HIVEP1: variants seen among roughly 807,000 people sequenced by gnomAD.
The protein encoded by HIVEP1 is HIVEP zinc finger 1.
HIVEP1 carries 36 observed loss-of-function variants against 180.0 expected under a neutral mutation model. The ratio of observed to expected loss-of-function variants is 0.20; its 90% CI spans 0.15 to 0.26. The LOEUF (loss-of-function observed/expected upper bound fraction) is 0.26, where lower values mean the gene tolerates loss of function less well. HIVEP1 is among the 10% of genes least tolerant of loss of function. HIVEP1 has a pLI of 1.00. For synonymous variants in HIVEP1, 1,239 were observed against 1,239.0 expected, an observed-to-expected ratio of 1.00 and a Z score of 0.00; for missense variants, 3,143 against 3,268.7, an observed-to-expected ratio of 0.96 and a Z score of 0.94.
At chr6:12,070,826 C>T (rs1771921137) in intron 2 of HIVEP1, among the ~76,000 whole-genome samples, 1 of 152,196 alleles carries the variant, frequency 6.6e-6, no homozygotes. Flanking sequence ...ATTTCCCATC[C>T]ATCTGATCAG....
chr6:12,180,674 C>T, the HIVEP1 span, among the ~76,000 whole-genome samples: 1 of 152,160 alleles, frequency 6.6e-6, no homozygotes, highest in African/African-American at 2.4e-5. Flanking sequence ...ATTGTAAGAG[C>T]ATTAGGCCAC....
Position 12,121,641 on chromosome 6 carries a change from T to A in HIVEP1, c.1846T>A (p.Leu616Met). 1 of 1,613,934 alleles carries A rather than the reference T, an allele frequency of 6.2e-7. No individual in the cohort carries two copies. Among genetic ancestry groups the A allele is most frequent in the South Asian group, 1.1e-5 (1 of 91,066 alleles). The change falls in exon 4 of 9, where the codon TTG becomes ATG. Residue 616 changes from leucine (L) to methionine (M), a missense_variant. Coordinates refer to ENST00000379388, the MANE Select transcript of HIVEP1 (RefSeq NM_002114.4). The surrounding 1 kb of genome is among the most constrained non-coding windows in gnomAD (Gnocchi z 5.3). ...ANMSQGGVSRLETNENSHQKG... is the reference protein window; with the variant it reads ...ANMSQGGVSRMETNENSHQKG... Reference sequence around the variant, plus strand: ...CATGTCCCAGGGTGGAGTCTCCAGGTTGGAGACTAATGAGAATTCCCACCA... The same window carrying A: ...CATGTCCCAGGGTGGAGTCTCCAGGATGGAGACTAATGAGAATTCCCACCA...
rs781135112 is a variant in HIVEP1 at position 12,125,427 on chromosome 6, T to C, written c.5632T>C (p.Ser1878Pro). ...TLTVRSSPAP[S>P]ENTHISPLKC... is the part of the protein sequence containing the mutation. Reference sequence around the variant, plus strand: ...TACAGTTCGAAGTTCACCTGCTCCTTCAGAAAATACTCATATTTCTCCTTT... The same window carrying C: ...TACAGTTCGAAGTTCACCTGCTCCTCCAGAAAATACTCATATTTCTCCTTT... The change falls in exon 4 of 9, where the codon TCA (serine) becomes CCA (proline). Residue 1878 changes from serine (S) to proline (P), a missense_variant. By Grantham distance (74) the Ser-to-Pro change is moderately conservative. Transcript: ENST00000379388. 1.2e-6 allele frequency: 2 copies of C among 1,614,048 alleles called. No homozygotes were observed. The highest frequency in any genetic ancestry group is 2.7e-5 in the African/African-American group (2 of 74,938).
downstream of HIVEP1, among the ~76,000 whole-genome samples, chr6:12,168,166 T>A (rs1254347513): frequency 1.5e-4 from 14 of 95,230 alleles, 3 homozygotes; most frequent in Non-Finnish European, 2.2e-4. Flanking sequence ...GATATACGTG[T>A]ATATCTATAT....
At chr6:12,184,022 T>TAGATAGACAGAC in the HIVEP1 span, among the ~76,000 whole-genome samples, 939 of 101,804 alleles carry the variant, frequency 9.2e-3, 4 homozygotes, top group Middle Eastern at 0.014. Context: ...GATAGATAGA[T>TAGATAGACAGAC]AGACAGACAG....
upstream of HIVEP1, chr6:12,012,127 GC>G (rs1767369864): frequency 7.1e-6 from 1 of 141,038 alleles, no homozygotes; most frequent in African/African-American, 2.6e-5. Context: ...CCGCCGCGGC[GC>G]GCGCCCCCCA....
At chr6:12,051,001 C>CATATATATATATATATATATAT (rs1161977899) in intron 2 of HIVEP1, among the ~76,000 whole-genome samples, 78 of 77,624 alleles carry the variant, frequency 1.0e-3, no homozygotes, top group Middle Eastern at 0.012. Flanking sequence ...TACACAAGTG[C>CATATATATATATATATATATAT]ATATATATAT....
At chr6:12,147,621 C>T (rs1329792927) in intron 7 of HIVEP1, among the ~76,000 whole-genome samples, 1 of 151,914 alleles carries the variant, frequency 6.6e-6, no homozygotes, top group Non-Finnish European at 1.5e-5. Context: ...GTGGATGATC[C>T]CATTCAGCAA....
Position 12,121,453 on chromosome 6 carries a change from A to G in HIVEP1, c.1658A>G (p.Glu553Gly). ...TTTTTGCTACAGGACAGATCTGCAG[A>G]ATCACAAGCTGTGACAGAGTTACCG... ...GDFLLQDRSAESQAVTELPKV... is the reference protein window; with the variant it reads ...GDFLLQDRSAGSQAVTELPKV... Residue 553 changes from glutamate to glycine, a missense_variant, in exon 4 of 9, where the codon GAA (glutamate) becomes GGA (glycine). Coordinates refer to ENST00000379388, the MANE Select transcript of HIVEP1 (RefSeq NM_002114.4). This position sits in a 1 kb window ranked among gnomAD's most constrained non-coding sequence, Gnocchi z 5.3. 6.2e-7 allele frequency: 1 copy of G among 1,614,194 alleles called. No individual in the cohort carries two copies. Among genetic ancestry groups the G allele is most frequent in the Non-Finnish European group, 8.5e-7 (1 of 1,180,026 alleles).
intron 2 of HIVEP1, among the ~76,000 whole-genome samples, chr6:12,060,929 A>C (rs773280802): frequency 6.6e-6 from 1 of 152,122 alleles, no homozygotes; most frequent in South Asian, 2.1e-4. Flanking sequence ...TTTGCGTAAG[A>C]GATGGACTGG....
chr6:12,160,323 T>G (rs1349529595), intron 7 of HIVEP1, among the ~76,000 whole-genome samples: 1 of 152,244 alleles, frequency 6.6e-6, no homozygotes, highest in Non-Finnish European at 1.5e-5. Context: ...CTAACGACTT[T>G]TAGATAATAT....
intron 7 of HIVEP1, among the ~76,000 whole-genome samples, chr6:12,157,592 A>G (rs943044088): frequency 2.0e-5 from 3 of 152,132 alleles, no homozygotes; most frequent in Non-Finnish European, 4.4e-5. Context: ...TTGTGGCCAT[A>G]CCTTTTTACA....
the HIVEP1 span, among the ~76,000 whole-genome samples, chr6:12,178,816 C>T: frequency 6.6e-6 from 1 of 152,136 alleles, no homozygotes; most frequent in Non-Finnish European, 1.5e-5. Flanking sequence ...GTGTTTTTCT[C>T]TACTGAAAAA....
In HIVEP1 at chr6:12,120,303, A is replaced by G. The variant is rs61738287; in HGVS notation, c.508A>G (p.Ser170Gly). 2.2e-3 allele frequency: 3,598 copies of G among 1,614,168 alleles called. 73 individuals carry two copies. In the African/African-American group the frequency reaches 0.042, roughly 19 times the overall value. ...DEQCDSSSLSSKTRTDNSECI... is the reference protein window; with the variant it reads ...DEQCDSSSLSGKTRTDNSECI... ...ACAATGTGACTCAAGTTCCTTGTCA[A>G]GTAAAACCAGGACTGACAATAGCGA... Residue 170 changes from serine (S) to glycine (G), a missense_variant, in exon 4 of 9, where the codon AGT becomes GGT. By Grantham distance (56) the Ser-to-Gly change is moderately conservative. Around this residue, in one of 12 missense-constraint regions of HIVEP1, gnomAD observed 306 missense variants for 310.6 expected, o/e 0.99. Transcript: ENST00000379388.
At chr6:12,011,270 T>TCCCCCCCCCCCCCCCCCC (rs76242358), upstream of HIVEP1, among the ~76,000 whole-genome samples, 7 of 71,632 alleles carry the variant, frequency 9.8e-5, no homozygotes, top group Admixed American at 3.5e-4. Flanking sequence ...CCCCTTGGGG[T>TCCCCCCCCCCCCCCCCCC]CCCCCCCCCC....
At position 12,124,881 on chromosome 6, in the gene HIVEP1, G is replaced by T. The variant is rs376829992; in HGVS notation, c.5086G>T (p.Ala1696Ser). ...VPTLQKGHQN[A>S]LPNPEKEFLC... ...AACATTACAAAAAGGTCATCAGAAT[G>T]CTTTGCCAAACCCAGAGAAGGAATT... is the stretch of plus-strand genomic sequence containing the variant. The change falls in exon 4 of 9, where the codon GCT becomes TCT. Residue 1696 changes from alanine to serine, a missense_variant. Transcript: ENST00000379388. 4 of 1,614,044 alleles carry T rather than the reference G, an allele frequency of 2.5e-6. No individual in the cohort carries two copies. The highest frequency in any genetic ancestry group is 3.3e-5 in the Admixed American group (2 of 59,992).
chr6:12,092,593 G>A (rs536632146), intron 3 of HIVEP1, among the ~76,000 whole-genome samples: 1 of 152,144 alleles, frequency 6.6e-6, no homozygotes, highest in East Asian at 1.9e-4. Context: ...ATGCTATATT[G>A]TTTTCCAGAG....
At chr6:12,169,936 C>T (rs1363381906), downstream of HIVEP1, among the ~76,000 whole-genome samples, 2 of 151,972 alleles carry the variant, frequency 1.3e-5, no homozygotes, top group South Asian at 2.1e-4. Context: ...CTGGCTAACA[C>T]AGCGAAACCC....
At chr6:12,128,801 ACGTT>A (rs1174766377) in intron 4 of HIVEP1, among the ~76,000 whole-genome samples, 1 of 152,226 alleles carries the variant, frequency 6.6e-6, no homozygotes, top group Admixed American at 6.5e-5. Flanking sequence ...TTTGATTTTG[ACGTT>A]CGTTACCTTT....
Sources: gnomAD v4.1 joint callset for allele counts (sites outside exome capture counted in the v4.1 genomes callset) on GRCh38, gnomAD v4.1.1 for gene constraint, gnomAD v4.1.1 regional missense constraint, Gnocchi (gnomAD v3.1) non-coding constraint, MANE v1.5 for transcripts, NCBI Gene and HGNC (gene_info 2026-07-23, HGNC 2026-07-21) for gene names.